The following PUDP variants were observed in gnomAD, a reference collection of about 807,000 sequenced individuals.
PUDP encodes the protein pseudouridine-5'-phosphatase.
Under a neutral mutation model 9.4 loss-of-function variants are expected in PUDP, and 8 were observed. The observed-to-expected ratio is 0.85, with a 90% CI of 0.50 to 1.53. The LOEUF is 1.53. Ranked by LOEUF, PUDP falls within the 40% of genes most tolerant of loss-of-function variation. PUDP has a pLI of 0.00. For synonymous variants in PUDP, 99 were observed against 80.7 expected, an observed-to-expected ratio of 1.23 and a Z score of -1.22; for missense variants, 188 against 189.7, an observed-to-expected ratio of 0.99 and a Z score of 0.05.
At chrX:7,144,382 T>C (rs747545912) in intron 1 of PUDP, among the ~76,000 whole-genome samples, 119 of 112,389 alleles carry the variant, frequency 1.1e-3, no homozygotes, top group African/African-American at 3.4e-3. Flanking sequence ...GCTATATAGA[T>C]GTTCTGGTGT....
At chrX:6,834,152 G>A (rs1926548428) in intron 3 of PUDP, among the ~76,000 whole-genome samples, 1 of 111,782 alleles carries the variant, frequency 8.9e-6, no homozygotes, top group Admixed American at 9.5e-5. Context: ...GGGCAGGAAA[G>A]GAAACAAACA....
intron 1 of PUDP, among the ~76,000 whole-genome samples, chrX:7,026,182 G>C (rs1487156077): frequency 8.9e-6 from 1 of 112,106 alleles, no homozygotes; most frequent in Non-Finnish European, 1.9e-5. Context: ...GCCTGCCCAA[G>C]GCTTCACTAT....
At chrX:6,797,227 C>A (rs1037302) in intron 3 of PUDP, among the ~76,000 whole-genome samples, 47,621 of 109,238 alleles carry the variant, frequency 0.44, 9,682 homozygotes, top group African/African-American at 0.78. Context: ...AATTTGAATA[C>A]AAATGATCTG....
At chrX:7,139,250 T>C (rs1003232724) in intron 1 of PUDP, among the ~76,000 whole-genome samples, 1 of 112,359 alleles carries the variant, frequency 8.9e-6, no homozygotes, top group East Asian at 2.8e-4. Context: ...AGATTAAGGA[T>C]GAGTGAATGC....
At chrX:6,724,066 C>T (rs1276026866), upstream of PUDP, among the ~76,000 whole-genome samples, 1 of 111,569 alleles carries the variant, frequency 9.0e-6, no homozygotes, top group Non-Finnish European at 1.9e-5. Context: ...CTTATTTTAT[C>T]TTGCATTTTA....
At chrX:7,024,652 T>G (rs1277288170) in intron 1 of PUDP, among the ~76,000 whole-genome samples, 1 of 106,138 alleles carries the variant, frequency 9.4e-6, no homozygotes, top group Non-Finnish European at 1.9e-5. Flanking sequence ...AGTGGTGCGA[T>G]CTCAGCTCAC....
chrX:6,827,370 G>A (rs895285179), intron 3 of PUDP, among the ~76,000 whole-genome samples: 1 of 111,901 alleles, frequency 8.9e-6, no homozygotes. Flanking sequence ...CGAGCATAGG[G>A]GCTCAAGAGC....
At chrX:6,889,423 C>A (rs1927480228) in intron 3 of PUDP, among the ~76,000 whole-genome samples, 1 of 111,856 alleles carries the variant, frequency 8.9e-6, no homozygotes, top group Admixed American at 9.5e-5. Context: ...CCACCTCAGC[C>A]TCCCAAAGCG....
chrX:6,770,402 A>G (rs1462380742), intron 3 of PUDP, among the ~76,000 whole-genome samples: 1 of 112,666 alleles, frequency 8.9e-6, no homozygotes, highest in Non-Finnish European at 1.9e-5. Context: ...GAGTTAAGAA[A>G]CCACAGACCC....
At chrX:7,057,988 C>T (rs1162187404) in intron 3 of PUDP, among the ~76,000 whole-genome samples, 1 of 111,154 alleles carries the variant, frequency 9.0e-6, no homozygotes, top group African/African-American at 3.3e-5. Context: ...CTCCCTGCTG[C>T]AAATCCTGTC....
chrX:6,852,743 T>C (rs1298384537), intron 3 of PUDP, among the ~76,000 whole-genome samples: 8 of 112,013 alleles, frequency 7.1e-5, no homozygotes, highest in Admixed American at 6.6e-4. Context: ...GTATCATCCA[T>C]GTGTTACAGT....
intron 3 of PUDP, among the ~76,000 whole-genome samples, chrX:6,742,042 C>T (rs1346014853): frequency 9.0e-6 from 1 of 110,761 alleles, no homozygotes; most frequent in South Asian, 3.9e-4. Flanking sequence ...TTTGTAGAGA[C>T]AGGGTTTCAC....
intron 3 of PUDP, among the ~76,000 whole-genome samples, chrX:6,811,799 A>G (rs976997141): frequency 9.9e-5 from 11 of 111,640 alleles, no homozygotes; most frequent in Admixed American, 2.8e-4. Flanking sequence ...TTTATCTGTT[A>G]ATGCTTGCAG....
rs780632358 is a variant in PUDP, at chrX:6,929,346, G to C, written c.*247+47787C>G. Among the ~76,000 whole-genome samples, 14 of 112,448 alleles carry C rather than the reference G, an allele frequency of 1.2e-4. No individual in the cohort carries two copies. In the South Asian group the frequency reaches 4.9e-3, roughly 39 times the overall value. ...TTTTATACATTTAGGGAAACATAAG[G>C]CATCAGTCAATACAAGATGAACATT... is the stretch of plus-strand genomic sequence containing the variant. On this transcript the variant is annotated intron_variant and NMD_transcript_variant, in intron 3 of 3. Transcript: ENST00000655425.
At chrX:6,803,173 C>T (rs1334265990) in intron 3 of PUDP, among the ~76,000 whole-genome samples, 1 of 110,372 alleles carries the variant, frequency 9.1e-6, no homozygotes, top group East Asian at 2.8e-4. Context: ...GGAGCCATGA[C>T]AGCATCAGAG....
At chrX:6,817,122 G>GCC (rs1278980095) in intron 3 of PUDP, among the ~76,000 whole-genome samples, 1 of 107,303 alleles carries the variant, frequency 9.3e-6, no homozygotes, top group Non-Finnish European at 1.9e-5. Flanking sequence ...TGTCTCCCAG[G>GCC]CCGGAGTGCA....
At chrX:6,871,206 G>A (rs140238238) in intron 3 of PUDP, among the ~76,000 whole-genome samples, 2,272 of 111,304 alleles carry the variant, frequency 0.02, 61 homozygotes, top group African/African-American at 0.071. Flanking sequence ...ATGGAATCAA[G>A]CTGAGGCTTC....
chrX:7,030,769 T>C (rs1463745734), intron 1 of PUDP, among the ~76,000 whole-genome samples: 2 of 110,905 alleles, frequency 1.8e-5, no homozygotes, highest in Non-Finnish European at 3.8e-5. Flanking sequence ...AATAAAATAA[T>C]TAGGGTGGAT....
chrX:6,870,994 C>T (rs887357093), intron 3 of PUDP, among the ~76,000 whole-genome samples: 6 of 111,961 alleles, frequency 5.4e-5, no homozygotes, highest in African/African-American at 6.5e-5. Context: ...GGCACCACCA[C>T]GTCTAGCTAA....
Sources: allele counts gnomAD v4.1 joint callset (sites outside exome capture counted in the v4.1 genomes callset), GRCh38; gene constraint gnomAD v4.1.1; transcripts MANE v1.5; gene names NCBI Gene and HGNC (gene_info 2026-07-23, HGNC 2026-07-21).